Variants in PLPPR5 observed in about 807,000 individuals in gnomAD.
PLPPR5 encodes the protein phospholipid phosphatase-related protein type 5.
In PLPPR5, 16 loss-of-function variants were observed where a neutral mutation model predicts 33.9. That is an observed-to-expected ratio of 0.47 (90% CI 0.32 to 0.72). PLPPR5 has a LOEUF of 0.72. Ranked by LOEUF, PLPPR5 falls within the 30% of genes least tolerant of loss-of-function variation. The pLI is 0.03. For synonymous variants in PLPPR5, 163 were observed against 150.3 expected, an observed-to-expected ratio of 1.08 and a Z score of -0.62; for missense variants, 301 against 406.7, an observed-to-expected ratio of 0.74 and a Z score of 2.23.
rs751656587 is a variant in PLPPR5 at position 98,891,454 on chromosome 1, A to G, written c.*1618T>C. The G allele has an allele frequency of 2.0e-4, 31 of 152,108 alleles. No homozygotes were observed. The highest frequency in any genetic ancestry group is 8.5e-4 in the Admixed American group (13 of 15,250). The allele number at this position is 152,108 out of a possible 1,614,324, so 9.4% of individuals were successfully genotyped here. On this transcript the variant is annotated 3_prime_UTR_variant, in exon 6 of 6. Coordinates refer to ENST00000263177, the MANE Select transcript of PLPPR5 (RefSeq NM_001037317.2). The stretch of plus-strand genomic sequence containing the variant: ...TTACTTTGCCATATAAGCCAAAGTT[A>G]CTTAGGGTAGTTTTAATTATTGCAA...
At chr1:98,938,030 T>C (rs1035235308) in intron 3 of PLPPR5, among the ~76,000 whole-genome samples, 1 of 152,318 alleles carries the variant, frequency 6.6e-6, no homozygotes. Context: ...TGGACTCATC[T>C]ACTCATATTC....
At chr1:98,974,995 C>T (rs1651794291) in intron 1 of PLPPR5, among the ~76,000 whole-genome samples, 2 of 152,024 alleles carry the variant, frequency 1.3e-5, no homozygotes, top group Admixed American at 6.6e-5. Context: ...TCTTAACACC[C>T]ATCTGCTCCT....
At chr1:98,949,544 A>G (rs1650699487) in intron 3 of PLPPR5, among the ~76,000 whole-genome samples, 2 of 152,204 alleles carry the variant, frequency 1.3e-5, no homozygotes, top group South Asian at 4.1e-4. Flanking sequence ...AAATACAGCC[A>G]TAAGACCATT....
chr1:99,004,403 T>A, intron 1 of PLPPR5, 32 bp downstream of exon 1: 27 of 1,546,004 alleles, frequency 1.7e-5, no homozygotes, highest in Non-Finnish European at 2.4e-5. Context: ...GATCAGGGAC[T>A]CGGCGACGAG....
intron 3 of PLPPR5, among the ~76,000 whole-genome samples, chr1:98,933,424 A>AGT (rs978986725): frequency 2.7e-5 from 4 of 145,678 alleles, no homozygotes; most frequent in African/African-American, 1.0e-4. Flanking sequence ...CGGAGCTTGC[A>AGT]GTGAGTTGAG....
chr1:98,903,916 T>A (rs1243755125), intron 5 of PLPPR5, among the ~76,000 whole-genome samples: 1 of 152,214 alleles, frequency 6.6e-6, no homozygotes, highest in Non-Finnish European at 1.5e-5. Flanking sequence ...CATTTCACCA[T>A]GACCACTGTA....
chr1:98,958,679 A>G lies in PLPPR5; in HGVS notation c.238-1938T>C, dbSNP rs74110948. On this transcript the variant is annotated intron_variant, in intron 1 of 5. Coordinates refer to ENST00000263177, the MANE Select transcript of PLPPR5 (RefSeq NM_001037317.2). ...TAAGTAGATGAACTGTGTGTTTGAT[A>G]CCTTATCTCTCTTTCTGAATAACGT... 6.2e-3 allele frequency among the ~76,000 whole-genome samples: 941 copies of G among 152,228 alleles called. 11 individuals carry two copies. The highest frequency in any genetic ancestry group is 0.022 in the African/African-American group (902 of 41,540).
At chr1:98,998,729 T>C (rs1652719152) in intron 1 of PLPPR5, among the ~76,000 whole-genome samples, 1 of 152,162 alleles carries the variant, frequency 6.6e-6, no homozygotes, top group Admixed American at 6.5e-5. Context: ...TCATCTAACC[T>C]CTTCCAAATC....
At chr1:99,004,298 G>C (rs1447952246) in intron 1 of PLPPR5, 137 bp downstream of exon 1, 1 of 740,372 alleles carries the variant, frequency 1.4e-6, no homozygotes, top group Non-Finnish European at 2.1e-6. Context: ...ATGTCCTCTG[G>C]GGAAGGGGCT....
intron 1 of PLPPR5, among the ~76,000 whole-genome samples, chr1:99,003,688 A>T (rs1007035300): frequency 2.0e-5 from 3 of 152,106 alleles, no homozygotes; most frequent in Non-Finnish European, 4.4e-5. Context: ...TCTTTCTCTC[A>T]CACACACATA....
chr1:98,987,402 ATCTGT>A (rs1386945850), intron 1 of PLPPR5, among the ~76,000 whole-genome samples: 1 of 151,850 alleles, frequency 6.6e-6, no homozygotes, highest in Non-Finnish European at 1.5e-5. Context: ...TAAAAATCTG[ATCTGT>A]TATTAGTCAT....
intron 3 of PLPPR5, among the ~76,000 whole-genome samples, chr1:98,929,336 A>G (rs1649883105): frequency 6.6e-6 from 1 of 152,262 alleles, no homozygotes; most frequent in Non-Finnish European, 1.5e-5. Context: ...TTAAAACTAT[A>G]CATGTGTTAG....
chr1:98,906,395 A>C (rs1458975666), intron 5 of PLPPR5, among the ~76,000 whole-genome samples: 1 of 151,934 alleles, frequency 6.6e-6, no homozygotes, highest in Non-Finnish European at 1.5e-5. Context: ...GGTTCTATGG[A>C]TCTGCTCTAG....
intron 4 of PLPPR5, among the ~76,000 whole-genome samples, chr1:98,917,726 G>C (rs1033257549): frequency 6.6e-6 from 1 of 152,042 alleles, no homozygotes; most frequent in African/African-American, 2.4e-5. Context: ...TTGTTTGTTT[G>C]CTTTTTGCTT....
intron 5 of PLPPR5, among the ~76,000 whole-genome samples, chr1:98,908,510 A>G (rs1393523778): frequency 6.6e-6 from 1 of 152,184 alleles, no homozygotes; most frequent in East Asian, 1.9e-4. Context: ...TCTTGGAGAT[A>G]TCCTGAAGCC....
At chr1:98,941,358 G>A (rs1557677488) in intron 3 of PLPPR5, among the ~76,000 whole-genome samples, 1 of 151,828 alleles carries the variant, frequency 6.6e-6, no homozygotes. Context: ...ATAAGATCTG[G>A]GGGATGAGGT....
intron 1 of PLPPR5, among the ~76,000 whole-genome samples, chr1:98,998,416 T>A (rs1652705434): frequency 6.6e-6 from 1 of 152,156 alleles, no homozygotes; most frequent in African/African-American, 2.4e-5. Context: ...AATAGAAATA[T>A]CTTTGAATCC....
At chr1:98,969,364 G>C (rs888852422) in intron 1 of PLPPR5, among the ~76,000 whole-genome samples, 2 of 152,002 alleles carry the variant, frequency 1.3e-5, no homozygotes, top group African/African-American at 2.4e-5. Flanking sequence ...ATTAGAAAAA[G>C]AAGAGAGGGA....
intron 1 of PLPPR5, among the ~76,000 whole-genome samples, chr1:98,994,828 T>C (rs1160352806): frequency 6.6e-6 from 1 of 152,060 alleles, no homozygotes; most frequent in African/African-American, 2.4e-5. Flanking sequence ...GCATGATGAA[T>C]GCTAAAGATG....
Sources: gnomAD v4.1 joint callset for allele counts (sites outside exome capture counted in the v4.1 genomes callset) on GRCh38, gnomAD v4.1.1 for gene constraint, MANE v1.5 for transcripts, NCBI Gene and HGNC (gene_info 2026-07-23, HGNC 2026-07-21) for gene names.